RILPL1: variants seen among roughly 807,000 people sequenced by gnomAD.
The protein encoded by RILPL1 is Rab interacting lysosomal protein like 1.
A neutral mutation model predicts 50.3 loss-of-function variants in RILPL1; 33 were observed. The ratio of observed to expected loss-of-function variants is 0.66; its 90% CI spans 0.50 to 0.88. RILPL1 has a LOEUF of 0.88. Among genes scored for constraint, RILPL1 ranks in the 40% least tolerant of loss-of-function variants. The pLI is 0.00. For missense variants in RILPL1, 418 were observed against 542.5 expected (o/e 0.77, Z 2.28); for synonymous variants, 205 against 228.6 (o/e 0.90, Z 0.93).
At chr12:123,486,328 C>A (rs1392589183) in intron 4 of RILPL1, among the ~76,000 whole-genome samples, 1 of 152,116 alleles carries the variant, frequency 6.6e-6, no homozygotes, top group African/African-American at 2.4e-5. Context: ...CTTTGAGTAT[C>A]TGGAGTTCAG....
intron 2 of RILPL1, 83 bp downstream of exon 2, chr12:123,523,412 A>T (rs537356458): frequency 1.3e-6 from 2 of 1,520,814 alleles, no homozygotes; most frequent in Non-Finnish European, 1.8e-6. Context: ...ATCAGCGTCC[A>T]GGGGTGGTGG....
At chr12:123,499,193 C>T (rs948078362) in intron 3 of RILPL1, among the ~76,000 whole-genome samples, 5 of 152,156 alleles carry the variant, frequency 3.3e-5, no homozygotes, top group Admixed American at 1.3e-4. Context: ...TCCCAGGAGG[C>T]GGGAGGAGCC....
chr12:123,510,925 GT>G (rs1483762354), intron 2 of RILPL1, among the ~76,000 whole-genome samples: 3 of 149,436 alleles, frequency 2.0e-5, no homozygotes, highest in Non-Finnish European at 4.5e-5. Context: ...GTCTGTGTGT[GT>G]GTGGTGTGTG....
chr12:123,495,895 G>A (rs1280756553), intron 4 of RILPL1, among the ~76,000 whole-genome samples: 2 of 150,942 alleles, frequency 1.3e-5, no homozygotes, highest in East Asian at 3.9e-4. Context: ...TAGCCAGGCT[G>A]GTCTTGAACT....
chr12:123,520,890 C>T (rs1329984228), intron 2 of RILPL1, among the ~76,000 whole-genome samples: 3 of 152,134 alleles, frequency 2.0e-5, no homozygotes, highest in Non-Finnish European at 2.9e-5. Flanking sequence ...ATCCATGGTG[C>T]GCGTGATTTC....
intron 6 of RILPL1, among the ~76,000 whole-genome samples, chr12:123,479,157 C>T (rs1370069206): frequency 6.6e-6 from 1 of 152,100 alleles, no homozygotes; most frequent in Non-Finnish European, 1.5e-5. Context: ...CTGAAGACAG[C>T]CTTCCCAGCA....
At chr12:123,521,814 C>A (rs1424775477) in intron 2 of RILPL1, among the ~76,000 whole-genome samples, 1 of 150,386 alleles carries the variant, frequency 6.6e-6, no homozygotes, top group African/African-American at 2.5e-5. Flanking sequence ...GCTCTGTCGC[C>A]CAGGCTGGAG....
chr12:123,533,068 G>A lies in RILPL1; in HGVS notation c.309+106C>T. On this transcript the variant is annotated intron_variant, in intron 1 of 6. Transcript: ENST00000376874. This position sits in a 1 kb window ranked among gnomAD's most constrained non-coding sequence, Gnocchi z 6.2. The stretch of plus-strand genomic sequence containing the variant: ...CCCACGTCGGGTCTCCTCTGGTCCG[G>A]TCCCTGAACACACACACGTGCGCAC... 2.4e-6 allele frequency: 3 copies of A among 1,239,522 alleles called. No individual in the cohort carries two copies. Among genetic ancestry groups the A allele is most frequent in the Non-Finnish European group, 3.3e-6 (3 of 911,712 alleles). The allele number at this position is 1,239,522 out of a possible 1,614,324, so 76.8% of individuals were successfully genotyped here.
At chr12:123,515,964 G>A (rs996196052) in intron 2 of RILPL1, among the ~76,000 whole-genome samples, 2 of 149,666 alleles carry the variant, frequency 1.3e-5, no homozygotes, top group African/African-American at 4.9e-5. Flanking sequence ...AACCCAGAAG[G>A]CGGAGGTTGC....
At chr12:123,477,337 CTTTTTTTTTTT>C (rs371346379) in intron 6 of RILPL1, among the ~76,000 whole-genome samples, 2 of 105,378 alleles carry the variant, frequency 1.9e-5, no homozygotes, top group African/African-American at 3.2e-5. Flanking sequence ...TTCTTTCTTT[CTTTTTTTTTTT>C]TTTTTTTTTT....
intron 1 of RILPL1, among the ~76,000 whole-genome samples, chr12:123,530,327 G>A (rs1025988899): frequency 5.9e-5 from 9 of 152,016 alleles, no homozygotes; most frequent in African/African-American, 2.2e-4. Context: ...CACCATGCCC[G>A]GCTAATTTTT....
rs1414009360 is a variant in RILPL1, at chr12:123,491,546, C to T, written c.802-5741G>A. 6.6e-6 allele frequency among the ~76,000 whole-genome samples: 1 copy of T among 152,186 alleles called. No homozygotes were observed. The highest frequency in any genetic ancestry group is 1.5e-5 in the Non-Finnish European group (1 of 68,044). On this transcript the variant is annotated intron_variant, in intron 4 of 6. Coordinates refer to ENST00000376874, the MANE Select transcript of RILPL1 (RefSeq NM_178314.5). This position sits in a 1 kb window ranked among gnomAD's most constrained non-coding sequence, Gnocchi z 4.0. ...CCCCTTCACAGTACTTCTCAGCAGC[C>T]CCTGGCCCAGCAATGGGGAACGACT...
At chr12:123,488,879 G>GA (rs1882516227) in intron 4 of RILPL1, among the ~76,000 whole-genome samples, 2 of 152,222 alleles carry the variant, frequency 1.3e-5, no homozygotes, top group African/African-American at 4.8e-5. Flanking sequence ...AATTTCCAAA[G>GA]AAAGTATTCT....
rs1424544336 is a variant in RILPL1, at chr12:123,522,955, T to C, written c.460+540A>G. Among the ~76,000 whole-genome samples the C allele has an allele frequency of 1.3e-5, 2 of 152,032 alleles. No homozygotes were observed. The highest frequency in any genetic ancestry group is 6.6e-5 in the Admixed American group (1 of 15,254). On this transcript the variant is annotated intron_variant, in intron 2 of 6. Transcript: ENST00000376874. The surrounding 1 kb of genome is among the most constrained non-coding windows in gnomAD (Gnocchi z 4.0). ...CCCAGGGCCTTTGCATGACTGCCCC[T>C]GCAACCCCCGACCCAACAAATGCAG...
At chr12:123,531,324 G>A (rs780329791) in intron 1 of RILPL1, among the ~76,000 whole-genome samples, 5 of 152,170 alleles carry the variant, frequency 3.3e-5, no homozygotes, top group Non-Finnish European at 5.9e-5. Context: ...ACAATTCCAT[G>A]TGACTTCAGA....
intron 6 of RILPL1, among the ~76,000 whole-genome samples, chr12:123,476,444 G>C (rs1162516304): frequency 1.4e-5 from 2 of 146,798 alleles, no homozygotes; most frequent in African/African-American, 5.1e-5. Context: ...TCCATCTCAA[G>C]AAAAAAAAGA....
At chr12:123,529,580 AT>A (rs35289859) in intron 1 of RILPL1, among the ~76,000 whole-genome samples, 89,887 of 145,070 alleles carry the variant, frequency 0.62, 28,595 homozygotes, top group East Asian at 0.98. Context: ...CCCAGCCTGA[AT>A]TTTTTTTTTT....
intron 2 of RILPL1, chr12:123,513,340 G>A: frequency 2.5e-6 from 1 of 394,692 alleles, no homozygotes; most frequent in Non-Finnish European, 5.2e-6. Flanking sequence ...CTGTCCTGGG[G>A]CGCCAGGACC....
chr12:123,529,324 C>T (rs541086827), intron 1 of RILPL1, among the ~76,000 whole-genome samples: 4 of 152,270 alleles, frequency 2.6e-5, no homozygotes, highest in African/African-American at 9.6e-5. Context: ...CAAAGTCTCG[C>T]TCTGTTGCTC....
Sources: allele counts gnomAD v4.1 joint callset (sites outside exome capture counted in the v4.1 genomes callset), GRCh38; gene constraint gnomAD v4.1.1; non-coding constraint Gnocchi (gnomAD v3.1); transcripts MANE v1.5; gene names NCBI Gene and HGNC (gene_info 2026-07-23, HGNC 2026-07-21).